Variants in NLRC4 observed in about 807,000 individuals in gnomAD.
The protein encoded by NLRC4 is NLR family CARD domain-containing protein 4.
A neutral mutation model predicts 79.9 loss-of-function variants in NLRC4; 63 were observed. The ratio of observed to expected loss-of-function variants is 0.79; its 90% CI spans 0.64 to 0.97. The LOEUF (loss-of-function observed/expected upper bound fraction) is 0.97. Ranked by LOEUF, NLRC4 falls within the 50% of genes least tolerant of loss-of-function variation. NLRC4 has a pLI of 0.00. For synonymous variants in NLRC4, 461 were observed against 456.5 expected, an observed-to-expected ratio of 1.01 and a Z score of -0.12; for missense variants, 1,074 against 1,215.2, an observed-to-expected ratio of 0.88 and a Z score of 1.73.
chr2:32,234,117 C>T lies in NLRC4; in HGVS notation c.2782+1284G>A, dbSNP rs574348938. Among the ~76,000 whole-genome samples, 451 of 152,230 alleles carry T rather than the reference C, an allele frequency of 3.0e-3. 2 individuals are homozygous for T. Among genetic ancestry groups the T allele is most frequent in the Non-Finnish European group, 4.5e-3 (309 of 68,018 alleles). On this transcript the variant is annotated intron_variant, in intron 8 of 8. Coordinates refer to ENST00000402280, the MANE Select transcript of NLRC4 (RefSeq NM_001199138.2). ...TTAAATAGGGCCGGGTGCGGTGGCTCAAGCCTTTAATCCCAGCACTTTGGG... is the reference window on the plus strand; with the variant it reads ...TTAAATAGGGCCGGGTGCGGTGGCTTAAGCCTTTAATCCCAGCACTTTGGG...
chr2:32,238,197 G>T lies in NLRC4; in HGVS notation c.2456C>A (p.Pro819His). ...DYIVKSLSSE[P>H]CDLEEIQLVS... ...TAATTGAATTTCTTCAAGGTCACAG[G>T]GTTCACTTGACAGAGACTTGACTAT... The change falls in exon 6 of 9, where the codon CCC becomes CAC. Residue 819 changes from proline to histidine, a missense_variant. By Grantham distance (77) the Pro-to-His change is moderately conservative. Coordinates refer to ENST00000402280, the MANE Select transcript of NLRC4 (RefSeq NM_001199138.2). 1.2e-6 allele frequency: 2 copies of T among 1,613,400 alleles called. No homozygotes were observed. The highest frequency in any genetic ancestry group is 1.7e-6 in the Non-Finnish European group (2 of 1,179,464).
rs565317848 is a variant in NLRC4, at chr2:32,230,025, C to G, written c.2783-5260G>C. On this transcript the variant is annotated intron_variant, in intron 8 of 8. Coordinates refer to ENST00000402280, the MANE Select transcript of NLRC4 (RefSeq NM_001199138.2). ...TTATTTAAAATGGAAGAGATTTGAG[C>G]AACTTTAAAAACTGACAGGAGGGAG... Among the ~76,000 whole-genome samples, 482 of 152,172 alleles carry G rather than the reference C, an allele frequency of 3.2e-3. 1 individual carries two copies. The highest frequency in any genetic ancestry group is 0.011 in the African/African-American group (463 of 41,506).
At chr2:32,227,558 T>C (rs2148929518) in intron 8 of NLRC4, among the ~76,000 whole-genome samples, 2 of 152,306 alleles carry the variant, frequency 1.3e-5, no homozygotes, top group Middle Eastern at 6.8e-3. Context: ...ACTTTTTTTC[T>C]CCTTCTCAGC....
chr2:32,256,758 A>G lies in NLRC4; in HGVS notation c.1+17T>C. 1 of 780,910 alleles carries G rather than the reference A, an allele frequency of 1.3e-6. No individual in the cohort carries two copies. The highest frequency in any genetic ancestry group is 2.4e-6 in the Non-Finnish European group (1 of 418,064). 48.4% of individuals were successfully genotyped at this position (780,910 alleles called of 1,614,324 possible). ...CAGACTGTATAACCAGGCAGATGTT[A>G]TTTCTCATATACTTACTTGTTCTGG... On this transcript the variant is annotated intron_variant, in intron 2 of 8. Transcript: ENST00000402280.
chr2:32,256,757 T>C lies in NLRC4; in HGVS notation c.1+18A>G. 1 of 780,952 alleles carries C rather than the reference T, an allele frequency of 1.3e-6. No homozygotes were observed. Among genetic ancestry groups the C allele is most frequent in the South Asian group, 1.3e-5 (1 of 74,618 alleles). 48.4% of individuals were successfully genotyped at this position (780,952 alleles called of 1,614,324 possible). A position where few individuals can be genotyped will look rare whatever the true frequency, so the allele number is the denominator to read the frequency against. On this transcript the variant is annotated intron_variant, in intron 2 of 8. Transcript: ENST00000402280. ...GCAGACTGTATAACCAGGCAGATGT[T>C]ATTTCTCATATACTTACTTGTTCTG...
chr2:32,264,366 A>C (rs1362832963), intron 1 of NLRC4, among the ~76,000 whole-genome samples: 1 of 150,084 alleles, frequency 6.7e-6, no homozygotes, highest in Non-Finnish European at 1.5e-5. Flanking sequence ...CCCAGGAGGC[A>C]GAGGTTGCAG....
rs58666767 is a variant in NLRC4, at chr2:32,230,471, A to ATTTTT, written c.2782+4925_2782+4929dup. On this transcript the variant is annotated intron_variant, in intron 8 of 8. Transcript: ENST00000402280. Reference sequence around the variant, plus strand: ...TGAGCCACTGGGCCCAGCCCCCGCTATTTTTTTTTTTTTTTTTTGAGGTAG... The same window carrying ATTTTT: ...TGAGCCACTGGGCCCAGCCCCCGCTATTTTTTTTTTTTTTTTTTTTTTTGAGGTAG... Among the ~76,000 whole-genome samples, 70 of 126,646 alleles carry ATTTTT rather than the reference A, an allele frequency of 5.5e-4. 1 individual carries two copies. The highest frequency in any genetic ancestry group is 1.3e-3 in the African/African-American group (43 of 33,628). 83.1% of individuals were successfully genotyped at this position (126,646 alleles called of 152,430 possible).
intron 8 of NLRC4, among the ~76,000 whole-genome samples, chr2:32,230,748 T>C (rs1686513822): frequency 6.6e-6 from 1 of 152,218 alleles, no homozygotes; most frequent in South Asian, 2.1e-4. Context: ...TACAAGTTTT[T>C]ATGTGGATAT....
intron 8 of NLRC4, among the ~76,000 whole-genome samples, chr2:32,227,826 T>A (rs1347720191): frequency 6.6e-6 from 1 of 152,124 alleles, no homozygotes; most frequent in Non-Finnish European, 1.5e-5. Context: ...GCAGACTAGA[T>A]CCAAGAGAAA....
chr2:32,244,513 TG>T (rs1366835179), intron 4 of NLRC4, among the ~76,000 whole-genome samples: 1 of 152,068 alleles, frequency 6.6e-6, no homozygotes, highest in East Asian at 1.9e-4. Flanking sequence ...TATTCAACAT[TG>T]TACTACAAGT....
intron 1 of NLRC4, 115 bp from the exon 2 acceptor site, chr2:32,257,008 ACTCGCTCAAAGCCC>A: frequency 2.0e-6 from 1 of 488,540 alleles, no homozygotes; most frequent in Non-Finnish European, 3.7e-6. Context: ...CCAGAAAAAA[ACTCGCTCAAAGCCC>A]CTGGCTATTC....
chr2:32,253,781 A>G (rs536643126), intron 2 of NLRC4, among the ~76,000 whole-genome samples: 2 of 152,066 alleles, frequency 1.3e-5, no homozygotes, highest in South Asian at 4.2e-4. Flanking sequence ...CCTGACCAAC[A>G]TGGAGAAACC....
At chr2:32,240,916 C>A in intron 5 of NLRC4, 117 bp downstream of exon 5, 1 of 643,088 alleles carries the variant, frequency 1.6e-6, no homozygotes, top group Non-Finnish European at 2.7e-6. Flanking sequence ...ACCAATGTAG[C>A]CACAAGTACA....
rs1573492536 is a variant in NLRC4 at position 32,250,111 on chromosome 2, A to G, written c.1753T>C (p.Tyr585His). 1.9e-6 allele frequency: 3 copies of G among 1,614,254 alleles called. No homozygotes were observed. Among genetic ancestry groups the G allele is most frequent in the Non-Finnish European group, 1.7e-6 (2 of 1,180,040 alleles). The change falls in exon 4 of 9, where the codon TAT becomes CAT. Residue 585 changes from tyrosine (Y) to histidine (H), a missense_variant. Physicochemically the swap from Tyr to His is moderately conservative, Grantham distance 83. Transcript: ENST00000402280. This position sits in a 1 kb window ranked among gnomAD's most constrained non-coding sequence, Gnocchi z 4.9. ...FEAFFQGKSL[Y>H]INSGNIPDYL... is the part of the protein sequence containing the mutation. ...TCGGGGATGTTCCCTGAGTTGATATATAAGCTTTTACCTTGAAAGAAAGCT... is the reference window on the plus strand; with the variant it reads ...TCGGGGATGTTCCCTGAGTTGATATGTAAGCTTTTACCTTGAAAGAAAGCT...
intron 4 of NLRC4, among the ~76,000 whole-genome samples, chr2:32,245,789 T>G (rs951138930): frequency 2.6e-5 from 4 of 152,260 alleles, no homozygotes; most frequent in Admixed American, 2.0e-4. Flanking sequence ...ATTTACCTTA[T>G]AGGGTTAAGA....
intron 7 of NLRC4, 101 bp downstream of exon 7, chr2:32,236,146 G>A: frequency 1.5e-6 from 1 of 661,462 alleles, no homozygotes; most frequent in East Asian, 2.8e-5. Flanking sequence ...CATCTAGTAA[G>A]GCACACATGG....
chr2:32,245,037 C>T (rs1686899688), intron 4 of NLRC4, among the ~76,000 whole-genome samples: 3 of 151,916 alleles, frequency 2.0e-5, no homozygotes, highest in South Asian at 4.2e-4. Context: ...AGACCGGGCA[C>T]GGTGGCTCAT....
intron 4 of NLRC4, 113 bp downstream of exon 4, chr2:32,249,494 T>A: frequency 1.1e-6 from 1 of 901,418 alleles, no homozygotes; most frequent in Non-Finnish European, 1.7e-6. Flanking sequence ...GATGGCCACC[T>A]TGCAGGCTGT....
chr2:32,232,357 G>T (rs991226006), intron 8 of NLRC4, among the ~76,000 whole-genome samples: 1 of 152,034 alleles, frequency 6.6e-6, no homozygotes, highest in Non-Finnish European at 1.5e-5. Flanking sequence ...CCCAAATTTT[G>T]CAGTTTTTCC....
Sources: gnomAD v4.1 joint callset for allele counts (sites outside exome capture counted in the v4.1 genomes callset) on GRCh38, gnomAD v4.1.1 for gene constraint, Gnocchi (gnomAD v3.1) non-coding constraint, MANE v1.5 for transcripts, NCBI Gene and HGNC (gene_info 2026-07-23, HGNC 2026-07-21) for gene names.